Variants in CRMP1 observed in about 807,000 individuals in gnomAD.
CRMP1 encodes dihydropyrimidinase-related protein 1.
Under a neutral mutation model 68.3 loss-of-function variants are expected in CRMP1, and 19 were observed. The ratio of observed to expected loss-of-function variants is 0.28; its 90% confidence interval spans 0.19 to 0.41. The LOEUF is 0.41. CRMP1 is among the 10% of genes least tolerant of loss of function. The pLI is 1.00. For missense variants in CRMP1, 791 were observed against 967.4 expected, an observed-to-expected ratio of 0.82 and a Z score of 2.42; for synonymous variants, 439 against 399.6, an observed-to-expected ratio of 1.10 and a Z score of -1.18.
intron 6 of CRMP1, among the ~76,000 whole-genome samples, chr4:5,845,553 C>T (rs941186622): frequency 2.0e-5 from 3 of 152,182 alleles, no homozygotes; most frequent in Non-Finnish European, 2.9e-5. Context: ...AGATGCTCAC[C>T]GCCCCCAACC....
At chr4:5,864,604 G>GA (rs1207444144) in intron 2 of CRMP1, among the ~76,000 whole-genome samples, 2 of 152,154 alleles carry the variant, frequency 1.3e-5, no homozygotes, top group Non-Finnish European at 2.9e-5. Flanking sequence ...CCTGGTCAAG[G>GA]AGCGATGCAG....
intron 1 of CRMP1, among the ~76,000 whole-genome samples, chr4:5,867,411 G>A (rs1415545240): frequency 1.3e-5 from 2 of 151,970 alleles, no homozygotes; most frequent in Admixed American, 6.6e-5. Context: ...GAGTTATCAA[G>A]GTATTATTAA....
At chr4:5,864,056 A>G in intron 2 of CRMP1, among the ~76,000 whole-genome samples, 1 of 152,130 alleles carries the variant, frequency 6.6e-6, no homozygotes, top group East Asian at 1.9e-4. Context: ...GGGAAACTGC[A>G]TTTTTCCTCA....
Position 5,883,926 on chromosome 4 carries a change from AT to A in CRMP1, c.381+8662del, listed in dbSNP as rs1476934025. On this transcript the variant is annotated intron_variant, in intron 1 of 13. Transcript: ENST00000324989. The surrounding 1 kb of genome is among the most constrained non-coding windows in gnomAD (Gnocchi z 4.5). Reference sequence around the variant, plus strand: ...TTCACTTTTATGTCCCCTCTGAGACATTTTTAAGAATTTGATTTAAACAAAA... The same window carrying A: ...TTCACTTTTATGTCCCCTCTGAGACATTTTAAGAATTTGATTTAAACAAAA... Among the ~76,000 whole-genome samples the A allele has an allele frequency of 1.3e-5, 2 of 152,330 alleles. No homozygotes were observed. The highest frequency in any genetic ancestry group is 3.9e-4 in the East Asian group (2 of 5,180).
In CRMP1 at chr4:5,827,620, G is replaced by GCA. The variant is rs141792812; in HGVS notation, c.1803+867_1803+868dup. Among the ~76,000 whole-genome samples the GCA allele has an allele frequency of 1.1e-4, 17 of 151,502 alleles. No homozygotes were observed. The South Asian group carries it at 1.7e-3, about 15-fold the overall frequency. The stretch of plus-strand genomic sequence containing the variant: ...ACCACATGCTCGCATACACACACGC[G>GCA]CACACACACACACTCCAACACACGC... On this transcript the variant is annotated intron_variant, in intron 12 of 13. Transcript: ENST00000324989.
In CRMP1 at chr4:5,861,204, T is replaced by A. The variant is rs528846029; in HGVS notation, c.477A>T (p.Ile159=). The change falls in exon 3 of 14, where the codon ATA becomes ATT. Residue 159 remains isoleucine, a synonymous_variant. Coordinates refer to ENST00000324989, the MANE Select transcript of CRMP1 (RefSeq NM_001014809.3). The surrounding 1 kb of genome is among the most constrained non-coding windows in gnomAD (Gnocchi z 6.0). ...CACCAGGAACGATTAAGTTCTCTCC[T>A]ATTTGTCTGGAGGCAAACAACAGAG... ...VYLEDGLIKQ[I]GENLIVPGGV... is the part of the protein sequence containing the mutation. 1 of 1,613,192 alleles carries A rather than the reference T, an allele frequency of 6.2e-7. No homozygotes were observed. Among genetic ancestry groups the A allele is most frequent in the African/African-American group, 1.3e-5 (1 of 75,042 alleles).
At chr4:5,824,406 C>G (rs75327619) in intron 13 of CRMP1, 2 of 985,190 alleles carry the variant, frequency 2.0e-6, no homozygotes, top group South Asian at 4.7e-5. Context: ...CATGCCTCCT[C>G]GGCATAATCA....
intron 10 of CRMP1, 30 bp from the exon 11 acceptor site, chr4:5,836,115 C>T (rs776246815): frequency 7.0e-7 from 1 of 1,429,614 alleles, no homozygotes; most frequent in Non-Finnish European, 9.2e-7. Context: ...ATGAGAAGAG[C>T]ATCTCATAAT....
intron 1 of CRMP1, among the ~76,000 whole-genome samples, chr4:5,875,417 G>C (rs1256246289): frequency 7.5e-6 from 1 of 134,200 alleles, no homozygotes; most frequent in East Asian, 2.2e-4. Context: ...AAAAAAAAAA[G>C]AGATGGGATG....
intron 1 of CRMP1, among the ~76,000 whole-genome samples, chr4:5,874,799 T>C (rs1307279808): frequency 4.6e-5 from 7 of 152,102 alleles, no homozygotes; most frequent in African/African-American, 1.7e-4. Context: ...GAGAAAAGAA[T>C]ACATGGACAC....
chr4:5,826,395 G>A (rs970131315), intron 12 of CRMP1: 3 of 153,004 alleles, frequency 2.0e-5, no homozygotes, highest in African/African-American at 7.2e-5. Context: ...AGAAAACTCA[G>A]TACAGAGGGA....
rs541854408 is a variant in CRMP1 at position 5,861,381 on chromosome 4, C to G, written c.471-171G>C. Among the ~76,000 whole-genome samples the G allele has an allele frequency of 3.9e-5, 6 of 152,306 alleles. No individual in the cohort carries two copies. Among genetic ancestry groups the G allele is most frequent in the South Asian group, 2.1e-4 (1 of 4,822 alleles). On this transcript the variant is annotated intron_variant, in intron 2 of 13. Coordinates refer to ENST00000324989, the MANE Select transcript of CRMP1 (RefSeq NM_001014809.3). This position sits in a 1 kb window ranked among gnomAD's most constrained non-coding sequence, Gnocchi z 6.0. ...CACATGCCCTCAAGGGGCTCATAGT[C>G]TAATAGGACGTAAGACAGGTGGGCA...
chr4:5,843,040 G>GT lies in CRMP1; in HGVS notation c.1032+52dup. On this transcript the variant is annotated intron_variant, in intron 7 of 13. Transcript: ENST00000324989. The surrounding 1 kb of genome is among the most constrained non-coding windows in gnomAD (Gnocchi z 4.1). The stretch of plus-strand genomic sequence containing the variant: ...CTACTCCAGCTGGAACAGCATCAAG[G>GT]TGAGTGCTCAGTGGTGAGTGTCAGA... 1 of 1,549,474 alleles carries GT rather than the reference G, an allele frequency of 6.5e-7. No homozygotes were observed. The highest frequency in any genetic ancestry group is 8.9e-7 in the Non-Finnish European group (1 of 1,122,538).
chr4:5,887,834 C>T, intron 1 of CRMP1: 1 of 999,612 alleles, frequency 1.0e-6, no homozygotes, highest in Non-Finnish European at 1.2e-6. Flanking sequence ...GTGCGGGGGC[C>T]GAGCCAAGGA....
chr4:5,861,180 A>C lies in CRMP1; in HGVS notation c.501T>G (p.Gly167=). Residue 167 remains glycine (G), a synonymous_variant, in exon 3 of 14, where the codon GGT becomes GGG. Transcript: ENST00000324989. The surrounding 1 kb of genome is among the most constrained non-coding windows in gnomAD (Gnocchi z 6.0). ...CGTTGGCTTCAATGGTCTTCACTCC[A>C]CCAGGAACGATTAAGTTCTCTCCTA... ...KQIGENLIVP[G]GVKTIEANGR... is the part of the protein sequence containing the mutation. 1 of 1,614,140 alleles carries C rather than the reference A, an allele frequency of 6.2e-7. No homozygotes were observed. Among genetic ancestry groups the C allele is most frequent in the Non-Finnish European group, 8.5e-7 (1 of 1,180,008 alleles).
At chr4:5,839,484 A>G (rs758637291) in intron 9 of CRMP1, 38 bp downstream of exon 9, 2 of 1,574,116 alleles carry the variant, frequency 1.3e-6, no homozygotes, top group Non-Finnish European at 8.6e-7. Context: ...CAAAGGCCCC[A>G]GCTGCCTCCC....
chr4:5,831,349 G>C lies in CRMP1; in HGVS notation c.1624-2681C>G, dbSNP rs570707221. Among the ~76,000 whole-genome samples, 5 of 152,046 alleles carry C rather than the reference G, an allele frequency of 3.3e-5. No homozygotes were observed. The East Asian group carries it at 7.7e-4, about 24-fold the overall frequency. On this transcript the variant is annotated intron_variant, in intron 11 of 13. Transcript: ENST00000324989. ...GAAAAACTATCAATTCTTTATATTG[G>C]TTTGTAATCTGATGGTGTTTGATGA...
In CRMP1 at chr4:5,888,527, G is replaced by A; in HGVS notation, c.381+4062C>T. On this transcript the variant is annotated intron_variant, in intron 1 of 13. Transcript: ENST00000324989. The surrounding 1 kb of genome is among the most constrained non-coding windows in gnomAD (Gnocchi z 6.4). ...GGAGGGAGAGGCGAGGGCGGGAGGA[G>A]GGGGCTGCAGACAGCTCCTCCCGGC... The A allele has an allele frequency of 3.4e-6, 4 of 1,177,770 alleles. No individual in the cohort carries two copies. The highest frequency in any genetic ancestry group is 4.2e-6 in the Non-Finnish European group (4 of 953,444). 73.0% of individuals were successfully genotyped at this position (1,177,770 alleles called of 1,614,324 possible).
In CRMP1 at chr4:5,843,226, C is replaced by T; in HGVS notation, c.964-65G>A. The T allele has an allele frequency of 6.4e-7, 1 of 1,551,946 alleles. No homozygotes were observed. Among genetic ancestry groups the T allele is most frequent in the Non-Finnish European group, 8.9e-7 (1 of 1,124,030 alleles). Reference sequence around the variant, plus strand: ...TCAGAGCTGGGAGAAGTGACTCCTCCAACCCCCTGGTTAGACAGAGGGGGC... The same window carrying T: ...TCAGAGCTGGGAGAAGTGACTCCTCTAACCCCCTGGTTAGACAGAGGGGGC... On this transcript the variant is annotated intron_variant, in intron 6 of 13. Transcript: ENST00000324989. The surrounding 1 kb of genome is among the most constrained non-coding windows in gnomAD (Gnocchi z 4.1).
Sources: allele counts gnomAD v4.1 joint callset (sites outside exome capture counted in the v4.1 genomes callset), GRCh38; gene constraint gnomAD v4.1.1; non-coding constraint Gnocchi (gnomAD v3.1); transcripts MANE v1.5; gene names NCBI Gene and HGNC (gene_info 2026-07-23, HGNC 2026-07-21).